Variants in PC observed in about 807,000 individuals in gnomAD.
PC encodes pyruvate carboxylase, mitochondrial.
Under a neutral mutation model 107.8 loss-of-function variants are expected in PC, and 46 were observed. The observed-to-expected ratio is 0.43, with a 90% CI of 0.34 to 0.55. PC has a LOEUF of 0.55. Ranked by LOEUF, PC falls within the 20% of genes least tolerant of loss-of-function variation. The pLI, the probability that PC is intolerant of heterozygous loss-of-function variation, is 0.04. For missense variants in PC, 1,241 were observed against 1,643.1 expected (o/e 0.76, Z 4.23); for synonymous variants, 662 against 684.7 (o/e 0.97, Z 0.52).
In PC at chr11:66,874,841, G is replaced by A. The variant is rs567713073; in HGVS notation, c.1-2682C>T. ...TGACATTTTGCGAATGATCTGGGGC[G>A]GGTGCAGGGGTTTGGGGGCTGGATA... On this transcript the variant is annotated intron_variant, in intron 3 of 22. Coordinates refer to ENST00000393960, the MANE Select transcript of PC (RefSeq NM_001040716.2). Among the ~76,000 whole-genome samples, 10 of 152,342 alleles carry A rather than the reference G, an allele frequency of 6.6e-5. No individual in the cohort carries two copies. In the South Asian group the frequency reaches 1.2e-3, roughly 19 times the overall value.
intron 3 of PC, among the ~76,000 whole-genome samples, chr11:66,950,247 C>G (rs918330496): frequency 5.3e-5 from 8 of 152,066 alleles, no homozygotes; most frequent in African/African-American, 1.7e-4. Context: ...ATGGCCAGGT[C>G]GTGGAATTTT....
chr11:66,859,856 G>T (rs925479024), intron 12 of PC: 1 of 1,564,738 alleles, frequency 6.4e-7, no homozygotes, highest in Non-Finnish European at 8.7e-7. Context: ...TGGCCGTGGG[G>T]GGTGTGCTGG....
At chr11:66,875,908 C>G (rs907428018) in intron 3 of PC, among the ~76,000 whole-genome samples, 1 of 152,170 alleles carries the variant, frequency 6.6e-6, no homozygotes, top group Non-Finnish European at 1.5e-5. Flanking sequence ...CCACACACCT[C>G]CTGATGGGGT....
chr11:66,903,701 T>C (rs1948040684), intron 3 of PC, among the ~76,000 whole-genome samples: 1 of 120,340 alleles, frequency 8.3e-6, no homozygotes, highest in Non-Finnish European at 1.6e-5. Flanking sequence ...TGAGCCAAGA[T>C]GGTGCCATTG....
At chr11:66,928,518 A>AATTATTATT (rs200179069) in intron 3 of PC, among the ~76,000 whole-genome samples, 2 of 151,262 alleles carry the variant, frequency 1.3e-5, no homozygotes, top group African/African-American at 4.9e-5. Context: ...TGTGAGCATT[A>AATTATTATT]ATTATTATTA....
At chr11:66,901,842 T>C (rs1947967147) in intron 3 of PC, among the ~76,000 whole-genome samples, 1 of 150,878 alleles carries the variant, frequency 6.6e-6, no homozygotes, top group South Asian at 2.1e-4. Context: ...TGTCGCTTGG[T>C]GCCTCAACTT....
intron 1 of PC, 116 bp downstream of exon 1, chr11:66,958,206 G>C (rs901181261): frequency 6.6e-6 from 1 of 152,054 alleles, no homozygotes; most frequent in Non-Finnish European, 1.5e-5. Context: ...CGGAGCCCGC[G>C]CCGCCTTTGC....
chr11:66,904,646 C>G (rs1948099046), intron 3 of PC, among the ~76,000 whole-genome samples: 1 of 152,156 alleles, frequency 6.6e-6, no homozygotes, highest in Admixed American at 6.5e-5. Context: ...TCAAAACACA[C>G]ACACACACAA....
At chr11:66,911,146 T>G (rs1349999118) in intron 3 of PC, among the ~76,000 whole-genome samples, 1 of 152,198 alleles carries the variant, frequency 6.6e-6, no homozygotes, top group Non-Finnish European at 1.5e-5. Flanking sequence ...ATAGCCTTAG[T>G]CCTTCTCTCT....
chr11:66,852,200 A>G lies in PC; in HGVS notation c.1825+239T>C, dbSNP rs1370822707. Among the ~76,000 whole-genome samples the G allele has an allele frequency of 6.6e-6, 1 of 152,140 alleles. No individual in the cohort carries two copies. The highest frequency in any genetic ancestry group is 1.5e-5 in the Non-Finnish European group (1 of 68,018). On this transcript the variant is annotated intron_variant, in intron 15 of 22. Coordinates refer to ENST00000393960, the MANE Select transcript of PC (RefSeq NM_001040716.2). This position sits in a 1 kb window ranked among gnomAD's most constrained non-coding sequence, Gnocchi z 4.7. ...TTCTCCTCTACCTCTCTGTGCTATAATTAACAGGCAGGTGTCTCCTCCTGA... is the reference window on the plus strand; with the variant it reads ...TTCTCCTCTACCTCTCTGTGCTATAGTTAACAGGCAGGTGTCTCCTCCTGA...
intron 3 of PC, among the ~76,000 whole-genome samples, chr11:66,897,909 G>A (rs984715498): frequency 6.6e-6 from 1 of 152,254 alleles, no homozygotes; most frequent in African/African-American, 2.4e-5. Flanking sequence ...CCACTGAATT[G>A]TCACCACAAT....
At chr11:66,943,827 T>C (rs1346666117) in intron 3 of PC, among the ~76,000 whole-genome samples, 1 of 51,542 alleles carries the variant, frequency 1.9e-5, no homozygotes, top group South Asian at 4.6e-4. Context: ...TACTAAAAAA[T>C]GCAAAAATTA....
chr11:66,850,127 G>A lies in PC; in HGVS notation c.2719-11C>T. 6.2e-7 allele frequency: 1 copy of A among 1,613,832 alleles called. No homozygotes were observed. Among genetic ancestry groups the A allele is most frequent in the Non-Finnish European group, 8.5e-7 (1 of 1,180,034 alleles). On this transcript the variant is annotated splice_polypyrimidine_tract_variant and intron_variant, in intron 19 of 22. Coordinates refer to ENST00000393960, the MANE Select transcript of PC (RefSeq NM_001040716.2). ...GGAGGAGGGCGTCACCTGAGGAGAA[G>A]GCCCTGGAGGTTAGGGTGCCAGGCA...
chr11:66,936,468 T>G (rs967041473), intron 3 of PC, among the ~76,000 whole-genome samples: 1 of 152,172 alleles, frequency 6.6e-6, no homozygotes, highest in Non-Finnish European at 1.5e-5. Flanking sequence ...ATATTGTTAT[T>G]GGCAATTGCT....
intron 3 of PC, among the ~76,000 whole-genome samples, chr11:66,946,499 A>G (rs1232155988): frequency 6.6e-6 from 1 of 152,140 alleles, no homozygotes; most frequent in Non-Finnish European, 1.5e-5. Context: ...CCACGCCTGT[A>G]ATCCCAGCTA....
intron 10 of PC, among the ~76,000 whole-genome samples, chr11:66,868,022 C>T (rs1302177592): frequency 6.6e-6 from 1 of 152,232 alleles, no homozygotes; most frequent in Non-Finnish European, 1.5e-5. Flanking sequence ...GGGTGAGGGC[C>T]ATCATGACTG....
intron 3 of PC, among the ~76,000 whole-genome samples, chr11:66,931,495 T>C (rs1948852205): frequency 6.6e-6 from 1 of 151,854 alleles, no homozygotes; most frequent in Non-Finnish European, 1.5e-5. Context: ...GGAACATAGA[T>C]GTTCATTTTA....
chr11:66,893,128 A>G (rs1334340547), intron 3 of PC, among the ~76,000 whole-genome samples: 3 of 152,198 alleles, frequency 2.0e-5, no homozygotes, highest in East Asian at 1.9e-4. Context: ...CGTGTCAGTG[A>G]GGACCCCCAC....
At chr11:66,859,105 TGCCCCACA>T in intron 12 of PC, 1 of 1,483,594 alleles carries the variant, frequency 6.7e-7, no homozygotes, top group Non-Finnish European at 8.9e-7. Context: ...TGAGGATGCG[TGCCCCACA>T]CCCGGCTGCA....
Sources: gnomAD v4.1 joint callset for allele counts (sites outside exome capture counted in the v4.1 genomes callset) on GRCh38, gnomAD v4.1.1 for gene constraint, Gnocchi (gnomAD v3.1) non-coding constraint, MANE v1.5 for transcripts, NCBI Gene and HGNC (gene_info 2026-07-23, HGNC 2026-07-21) for gene names.